The following MCF2L2 variants were observed in gnomAD, a reference collection of about 807,000 sequenced individuals.
MCF2L2 encodes the protein MCF.2 cell line derived transforming sequence-like 2, also known as probable guanine nucleotide exchange factor MCF2L2.
A neutral mutation model predicts 150.2 loss-of-function variants in MCF2L2; 102 were observed. The ratio of observed to expected loss-of-function variants is 0.68; its 90% CI spans 0.58 to 0.80. The LOEUF is 0.80. Ranked by LOEUF, MCF2L2 falls within the 30% of genes least tolerant of loss-of-function variation. MCF2L2 has a pLI of 0.00. For missense variants in MCF2L2, 1,256 were observed against 1,372.8 expected (o/e 0.91, Z 1.34); for synonymous variants, 465 against 491.3 (o/e 0.95, Z 0.71).
chr3:183,412,743 C>T (rs139842088), intron 1 of MCF2L2, among the ~76,000 whole-genome samples: 1 of 152,100 alleles, frequency 6.6e-6, no homozygotes, highest in East Asian at 1.9e-4. Flanking sequence ...ACTGCTCTGG[C>T]TAGAACATCC....
At chr3:183,425,061 A>G (rs1479872641) in intron 1 of MCF2L2, among the ~76,000 whole-genome samples, 1 of 151,540 alleles carries the variant, frequency 6.6e-6, no homozygotes, top group African/African-American at 2.4e-5. Context: ...TTTGGCTCGT[A>G]GTATACATCA....
intron 13 of MCF2L2, among the ~76,000 whole-genome samples, chr3:183,291,710 A>T (rs1234743488): frequency 2.0e-5 from 3 of 152,250 alleles, no homozygotes; most frequent in Non-Finnish European, 4.4e-5. Flanking sequence ...CACACTCAGT[A>T]GATACTTACC....
At chr3:183,238,627 T>G (rs1446362788) in intron 15 of MCF2L2, among the ~76,000 whole-genome samples, 1 of 150,106 alleles carries the variant, frequency 6.7e-6, no homozygotes, top group African/African-American at 2.4e-5. Flanking sequence ...CCCAAGACAA[T>G]TCTTCTTCTT....
intron 1 of MCF2L2, among the ~76,000 whole-genome samples, chr3:183,410,088 G>A (rs1577133680): frequency 2.0e-5 from 3 of 152,292 alleles, no homozygotes; most frequent in Non-Finnish European, 2.9e-5. Flanking sequence ...GACAACTAGT[G>A]CAGAAAGACC....
At chr3:183,329,417 C>T (rs1370253308) in intron 5 of MCF2L2, among the ~76,000 whole-genome samples, 3 of 152,160 alleles carry the variant, frequency 2.0e-5, no homozygotes, top group African/African-American at 7.2e-5. Flanking sequence ...GAACTCCTGA[C>T]CTTAGGTGAT....
At chr3:183,278,557 A>C (rs1223877409) in intron 14 of MCF2L2, among the ~76,000 whole-genome samples, 1 of 152,208 alleles carries the variant, frequency 6.6e-6, no homozygotes, top group Non-Finnish European at 1.5e-5. Flanking sequence ...TGACATTACT[A>C]TGCCTGAATT....
chr3:183,318,352 G>T, intron 6 of MCF2L2, 135 bp from the exon 7 acceptor site: 1 of 957,726 alleles, frequency 1.0e-6, no homozygotes, highest in Non-Finnish European at 1.6e-6. Context: ...TAGAGGACCT[G>T]ATTCTGATAG....
intron 8 of MCF2L2, 134 bp downstream of exon 8, chr3:183,311,514 T>C: frequency 1.0e-6 from 1 of 980,918 alleles, no homozygotes; most frequent in Middle Eastern, 2.2e-4. Flanking sequence ...TTTTCCTTTG[T>C]TGTCTCAAAT....
At chr3:183,403,918 A>G (rs1714904335) in intron 1 of MCF2L2, among the ~76,000 whole-genome samples, 1 of 152,128 alleles carries the variant, frequency 6.6e-6, no homozygotes, top group African/African-American at 2.4e-5. Context: ...GGACAGGGGG[A>G]AGAGGAAAAG....
chr3:183,391,475 G>C (rs1319383358), intron 1 of MCF2L2, among the ~76,000 whole-genome samples: 1 of 152,064 alleles, frequency 6.6e-6, no homozygotes, highest in Non-Finnish European at 1.5e-5. Context: ...ATAACGGCAT[G>C]GTAGTCACAT....
chr3:183,412,077 A>G (rs936371053), intron 1 of MCF2L2, among the ~76,000 whole-genome samples: 1 of 152,134 alleles, frequency 6.6e-6, no homozygotes, highest in Non-Finnish European at 1.5e-5. Context: ...CTACCCTAAC[A>G]ACAACAACAA....
At chr3:183,254,647 G>T (rs1033128318) in intron 15 of MCF2L2, 5 of 152,190 alleles carry the variant, frequency 3.3e-5, no homozygotes, top group Non-Finnish European at 7.3e-5. Context: ...CACCAATTCG[G>T]TTGCCGGCCG....
chr3:183,189,785 G>A (rs966623944), intron 27 of MCF2L2, among the ~76,000 whole-genome samples: 3 of 152,200 alleles, frequency 2.0e-5, no homozygotes, highest in African/African-American at 7.2e-5. Flanking sequence ...TGTAGTACAA[G>A]GCGAAGTAGG....
In MCF2L2 at chr3:183,195,989, C is replaced by G. The variant is rs573830981; in HGVS notation, c.2885-734G>C. Among the ~76,000 whole-genome samples the G allele has an allele frequency of 2.0e-5, 3 of 152,300 alleles. No homozygotes were observed. The East Asian group carries it at 5.8e-4, about 29-fold the overall frequency. On this transcript the variant is annotated intron_variant, in intron 25 of 29. Transcript: ENST00000328913. ...AGGCTTTGCCTTGTTTCCCACCCAC[C>G]CTGCTGCCTGCCCCTGCACTCTTCT... is the stretch of plus-strand genomic sequence containing the variant.
rs1481082159 is a variant in MCF2L2, at chr3:183,181,965, G to T, written c.3017-1806C>A. ...ATGATTAGTTGGTTCCAGCCCCTCT[G>T]CAGGGTAAGTGGCACCTGGGGTAAA... On this transcript the variant is annotated intron_variant, in intron 27 of 29. Transcript: ENST00000328913. The surrounding 1 kb of genome is among the most constrained non-coding windows in gnomAD (Gnocchi z 4.3). 2.0e-5 allele frequency among the ~76,000 whole-genome samples: 3 copies of T among 152,194 alleles called. No homozygotes were observed. The highest frequency in any genetic ancestry group is 7.2e-5 in the African/African-American group (3 of 41,450).
intron 27 of MCF2L2, among the ~76,000 whole-genome samples, chr3:183,191,275 C>CCTGA (rs61396045): frequency 0.87 from 131,677 of 151,796 alleles, 57,288 homozygotes; most frequent in Middle Eastern, 0.9. Context: ...GCATGGCCTC[C>CCTGA]CTATCACCAT....
In MCF2L2 at chr3:183,397,331, C is replaced by A. The variant is rs115683134; in HGVS notation, c.77-7552G>T. Among the ~76,000 whole-genome samples the A allele has an allele frequency of 5.5e-3, 835 of 152,324 alleles. 3 individuals are homozygous for A. Among genetic ancestry groups the A allele is most frequent in the African/African-American group, 0.019 (796 of 41,572 alleles). On this transcript the variant is annotated intron_variant, in intron 1 of 29. Coordinates refer to ENST00000328913, the MANE Select transcript of MCF2L2 (RefSeq NM_015078.4). The stretch of plus-strand genomic sequence containing the variant: ...CTGCTTCCAGGATAGTGCATTCTTG[C>A]CGCATCCTCACATGGTGGAAGGGCG...
chr3:183,381,257 G>C (rs1386734270), intron 2 of MCF2L2, among the ~76,000 whole-genome samples: 1 of 152,190 alleles, frequency 6.6e-6, no homozygotes, highest in African/African-American at 2.4e-5. Flanking sequence ...AGTGGGGACT[G>C]TGTGATTAAT....
chr3:183,213,608 A>C (rs1722813961), intron 22 of MCF2L2, among the ~76,000 whole-genome samples: 1 of 152,200 alleles, frequency 6.6e-6, no homozygotes, highest in African/African-American at 2.4e-5. Flanking sequence ...AAAACTCTAC[A>C]AAATGGAGAC....
Sources: allele counts gnomAD v4.1 joint callset (sites outside exome capture counted in the v4.1 genomes callset), GRCh38; gene constraint gnomAD v4.1.1; non-coding constraint Gnocchi (gnomAD v3.1); transcripts MANE v1.5; gene names NCBI Gene and HGNC (gene_info 2026-07-23, HGNC 2026-07-21).